The following HOGA1 variants were observed in gnomAD, a reference collection of about 807,000 sequenced individuals.
HOGA1 encodes 4-hydroxy-2-oxoglutarate aldolase 1.
In HOGA1, 30 loss-of-function variants were observed where a neutral mutation model predicts 34.3. That is an observed-to-expected ratio of 0.87 (90% CI 0.65 to 1.19). The LOEUF is 1.19. Among genes scored for constraint, HOGA1 ranks in the 50% most tolerant of loss-of-function variants. The probability of loss-of-function intolerance (pLI) is 0.00; values close to 1 mark genes in which losing one functional copy is unlikely to be tolerated. For missense variants in HOGA1, 417 were observed against 436.5 expected (o/e 0.96, Z 0.40); for synonymous variants, 161 against 174.0 (o/e 0.93, Z 0.59).
intron 6 of HOGA1, chr10:97,602,259 T>C: frequency 7.0e-7 from 1 of 1,437,482 alleles, no homozygotes; most frequent in Middle Eastern, 2.0e-4. Flanking sequence ...CCCAAGAAGA[T>C]GCATTGAAAC....
chr10:97,599,179 G>T lies in HOGA1; in HGVS notation c.431G>T (p.Arg144Leu), dbSNP rs1371902226. The change falls in exon 3 of 7, where the codon CGC (arginine) becomes CTC (leucine). Residue 144 changes from arginine to leucine, a missense_variant. Arg to Leu is a moderately radical substitution (Grantham distance 102). Coordinates refer to ENST00000370646, the MANE Select transcript of HOGA1 (RefSeq NM_138413.4). ...MVVTPCYYRG[R>L]MSSAALIHHY... ...GTGACCCCTTGCTACTATCGTGGCC[G>T]CATGAGCAGTGCGGCCCTCATTCAC... is the stretch of plus-strand genomic sequence containing the variant. 1 of 1,613,918 alleles carries T rather than the reference G, an allele frequency of 6.2e-7. No individual in the cohort carries two copies. Among genetic ancestry groups the T allele is most frequent in the Admixed American group, 1.7e-5 (1 of 60,026 alleles).
At chr10:97,598,157 G>A (rs1254377446) in intron 1 of HOGA1, among the ~76,000 whole-genome samples, 1 of 152,134 alleles carries the variant, frequency 6.6e-6, no homozygotes, top group African/African-American at 2.4e-5. Flanking sequence ...GTAGAGACAG[G>A]TAGGCCATTT....
intron 1 of HOGA1, chr10:97,589,955 A>G: frequency 6.2e-7 from 1 of 1,614,156 alleles, no homozygotes; most frequent in Non-Finnish European, 8.5e-7. Context: ...TCCATCAGAC[A>G]AGGACAAGTC....
intron 1 of HOGA1, among the ~76,000 whole-genome samples, chr10:97,588,564 C>T (rs1589901518): frequency 6.6e-6 from 1 of 152,318 alleles, no homozygotes; most frequent in East Asian, 1.9e-4. Context: ...GGGGTCATTA[C>T]AGAAGGGCTC....
rs116711005 is a variant in HOGA1 at position 97,611,753 on chromosome 10, C to T, written c.*94C>T. The T allele has an allele frequency of 1.3e-3, 1,862 of 1,468,510 alleles. 20 individuals are homozygous for T. In the African/African-American group the frequency reaches 0.022, roughly 18 times the overall value. 91.0% of individuals were successfully genotyped at this position (1,468,510 alleles called of 1,614,324 possible). ...GGAGAGCACAGGGGGATGAGGGTGGCAGGCAGCGGGGAGCCGATAGAGGCT... is the reference window on the plus strand; with the variant it reads ...GGAGAGCACAGGGGGATGAGGGTGGTAGGCAGCGGGGAGCCGATAGAGGCT... On this transcript the variant is annotated 3_prime_UTR_variant, in exon 7 of 7. Coordinates refer to ENST00000370646, the MANE Select transcript of HOGA1 (RefSeq NM_138413.4).
At chr10:97,604,931 A>G (rs889903350) in intron 6 of HOGA1, among the ~76,000 whole-genome samples, 11 of 152,184 alleles carry the variant, frequency 7.2e-5, no homozygotes, top group African/African-American at 2.7e-4. Flanking sequence ...CAGCGAGCCA[A>G]GATTGTGCCA....
At chr10:97,592,016 A>G (rs1038059415) in intron 1 of HOGA1, among the ~76,000 whole-genome samples, 2 of 148,814 alleles carry the variant, frequency 1.3e-5, no homozygotes, top group Non-Finnish European at 3.0e-5. Flanking sequence ...TTTTTTTTGT[A>G]TTTTTAGTAG....
chr10:97,590,455 G>A (rs1399277566), intron 1 of HOGA1: 4 of 1,613,740 alleles, frequency 2.5e-6, no homozygotes, highest in Non-Finnish European at 3.4e-6. Context: ...TCACCCAGCG[G>A]GAAAACACCA....
intron 5 of HOGA1, 138 bp downstream of exon 5, chr10:97,600,301 G>A (rs1000706512): frequency 1.3e-6 from 1 of 762,210 alleles, no homozygotes; most frequent in East Asian, 2.6e-5. Context: ...TGAAAACTCA[G>A]AAACCTGGCC....
At chr10:97,590,273 G>A (rs768730543) in intron 1 of HOGA1, 26 of 1,613,514 alleles carry the variant, frequency 1.6e-5, no homozygotes, top group African/African-American at 4.0e-5. Context: ...CACGTGGGCC[G>A]CTGTGGCTGC....
Position 97,588,195 on chromosome 10 carries a change from C to CTTTTTTT in HOGA1, c.211+3284_211+3285insTTTTTTT, listed in dbSNP as rs1164946936. The stretch of plus-strand genomic sequence containing the variant: ...ATAGAGAGTATTCTTTTTGTTTTTT[C>CTTTTTTT]TTTCTTTTTTTTTTTTTTTTGTGAT... On this transcript the variant is annotated intron_variant, in intron 1 of 6. Transcript: ENST00000370646. Among the ~76,000 whole-genome samples, 11 of 131,342 alleles carry CTTTTTTT rather than the reference C, an allele frequency of 8.4e-5. 1 individual carries two copies. Among genetic ancestry groups the CTTTTTTT allele is most frequent in the Non-Finnish European group, 1.2e-4 (7 of 60,272 alleles). 86.2% of individuals were successfully genotyped at this position (131,342 alleles called of 152,430 possible). A position where few individuals can be genotyped will look rare whatever the true frequency, so the allele number is the denominator to read the frequency against.
intron 6 of HOGA1, among the ~76,000 whole-genome samples, chr10:97,608,102 G>C (rs1274967358): frequency 6.6e-6 from 1 of 152,082 alleles, no homozygotes; most frequent in Non-Finnish European, 1.5e-5. Context: ...TTGAGCTCAG[G>C]AGTTTGAGCC....
intron 6 of HOGA1, among the ~76,000 whole-genome samples, chr10:97,607,448 C>T (rs1452017904): frequency 6.6e-6 from 1 of 152,158 alleles, no homozygotes; most frequent in African/African-American, 2.4e-5. Flanking sequence ...GCTAGGCAAC[C>T]CCTTTTCTGG....
intron 1 of HOGA1, among the ~76,000 whole-genome samples, chr10:97,594,537 T>A (rs1369470205): frequency 2.6e-5 from 4 of 152,014 alleles, no homozygotes; most frequent in African/African-American, 9.7e-5. Flanking sequence ...GTATTTTTAG[T>A]AGAGACGGGG....
intron 3 of HOGA1, 135 bp downstream of exon 3, chr10:97,599,351 G>T: frequency 9.4e-7 from 1 of 1,059,768 alleles, no homozygotes. Flanking sequence ...TCAGCTGCAC[G>T]ACATTGGGAG....
intron 2 of HOGA1, 86 bp from the exon 3 acceptor site, chr10:97,599,003 G>T (rs1168359823): frequency 8.7e-6 from 14 of 1,607,612 alleles, no homozygotes; most frequent in Middle Eastern, 2.1e-4. Flanking sequence ...GCCTCTTCTG[G>T]GACATGCTGA....
rs1417551231 is a variant in HOGA1 at position 97,584,680 on chromosome 10, T to A, written c.-24T>A. 6.3e-7 allele frequency: 1 copy of A among 1,588,132 alleles called. No homozygotes were observed. The highest frequency in any genetic ancestry group is 8.6e-7 in the Non-Finnish European group (1 of 1,160,586). ...AGTCTCACTCTGGGACATAGACCAA[T>A]TGTGCTTCAGGCCTCCTGCAGAGAT... On this transcript the variant is annotated 5_prime_UTR_variant, in exon 1 of 7. The change creates a new upstream start codon in the 5' untranslated region. Transcript: ENST00000370646.
chr10:97,585,635 A>G (rs902835936), intron 1 of HOGA1, among the ~76,000 whole-genome samples: 3 of 152,218 alleles, frequency 2.0e-5, no homozygotes, highest in Non-Finnish European at 2.9e-5. Context: ...TCAGAGTGAC[A>G]TGGTCACTGC....
At chr10:97,584,954 A>G in intron 1 of HOGA1, 40 bp downstream of exon 1, 1 of 1,569,990 alleles carries the variant, frequency 6.4e-7, no homozygotes, top group Non-Finnish European at 8.8e-7. Flanking sequence ...GGGAGATGTG[A>G]GTGGCCCTTT....
Sources: gnomAD v4.1 joint callset for allele counts (sites outside exome capture counted in the v4.1 genomes callset) on GRCh38, gnomAD v4.1.1 for gene constraint, MANE v1.5 for transcripts, NCBI Gene and HGNC (gene_info 2026-07-23, HGNC 2026-07-21) for gene names.